The following VWA8 variants were observed in gnomAD, a reference collection of about 807,000 sequenced individuals.
VWA8 encodes the protein von Willebrand factor A domain-containing protein 8.
A neutral mutation model predicts 241.5 loss-of-function variants in VWA8; 221 were observed. That is an observed-to-expected ratio of 0.91 (90% confidence interval 0.82 to 1.02). The LOEUF is 1.02. Among genes scored for constraint, VWA8 ranks in the 50% least tolerant of loss-of-function variants. The pLI, the probability that VWA8 is intolerant of heterozygous loss-of-function variation, is 0.00. For missense variants in VWA8, 2,322 were observed against 2,328.7 expected (o/e 1.00, Z 0.06); for synonymous variants, 852 against 827.1 (o/e 1.03, Z -0.52).
intron 37 of VWA8, among the ~76,000 whole-genome samples, chr13:41,619,072 C>T (rs1160303950): frequency 6.6e-6 from 1 of 152,106 alleles, no homozygotes; most frequent in Non-Finnish European, 1.5e-5. Flanking sequence ...GGCAGTATGG[C>T]CATTTTCACA....
chr13:41,691,445 C>G lies in VWA8; in HGVS notation c.3741G>C (p.Gly1247=). Reference sequence around the variant, plus strand: ...GAACATCCAGCACAGTCAGGCTGTTCCTGGAAAAGAAGAAAACTGTATCTG... The same window carrying G: ...GAACATCCAGCACAGTCAGGCTGTTGCTGGAAAAGAAGAAAACTGTATCTG... ...KNWLVFYKEK[G]NSLTVLDVLE... Residue 1247 remains glycine, a splice_region_variant and synonymous_variant, in exon 32 of 45, where the codon GGG becomes GGC. Transcript: ENST00000379310. 1.2e-6 allele frequency: 2 copies of G among 1,611,122 alleles called. No individual in the cohort carries two copies. Among genetic ancestry groups the G allele is most frequent in the Non-Finnish European group, 1.7e-6 (2 of 1,178,334 alleles).
intron 12 of VWA8, among the ~76,000 whole-genome samples, chr13:41,837,625 C>T (rs1871799467): frequency 6.6e-6 from 1 of 152,128 alleles, no homozygotes; most frequent in South Asian, 2.1e-4. Context: ...GTTTTAATAT[C>T]TTTAACAGAC....
rs138607427 is a variant in VWA8 at position 41,694,139 on chromosome 13, T to A, written c.3565-1167A>T. On this transcript the variant is annotated intron_variant, in intron 29 of 44. Transcript: ENST00000379310. ...ATATATAAAGAATACAACAATGAAT[T>A]AATCATGACCCTTGCCTTCTGTCAT... is the stretch of plus-strand genomic sequence containing the variant. Among the ~76,000 whole-genome samples, 1,171 of 152,102 alleles carry A rather than the reference T, an allele frequency of 7.7e-3. 9 individuals are homozygous for A. Among genetic ancestry groups the A allele is most frequent in the South Asian group, 0.016 (78 of 4,828 alleles).
At chr13:41,937,959 G>GA (rs960209949) in intron 2 of VWA8, among the ~76,000 whole-genome samples, 6 of 152,080 alleles carry the variant, frequency 3.9e-5, no homozygotes, top group Non-Finnish European at 8.8e-5. Flanking sequence ...TCATGAGTTT[G>GA]AGATCAGCCT....
intron 37 of VWA8, among the ~76,000 whole-genome samples, chr13:41,642,074 C>T (rs1197712271): frequency 6.6e-6 from 1 of 152,128 alleles, no homozygotes; most frequent in African/African-American, 2.4e-5. Flanking sequence ...TATATGATCA[C>T]CCTATAATAA....
chr13:41,859,502 TTAATC>T (rs1179875244), intron 12 of VWA8, among the ~76,000 whole-genome samples: 1 of 152,188 alleles, frequency 6.6e-6, no homozygotes, highest in African/African-American at 2.4e-5. Context: ...GACTTGGTGT[TTAATC>T]TAACTAGTAA....
chr13:41,858,583 G>A (rs1872863003), intron 12 of VWA8, among the ~76,000 whole-genome samples: 1 of 151,622 alleles, frequency 6.6e-6, no homozygotes, highest in African/African-American at 2.4e-5. Context: ...TTCAGCCTGG[G>A]CAACAGAGTG....
intron 2 of VWA8, among the ~76,000 whole-genome samples, chr13:41,942,830 T>C (rs1208801439): frequency 6.6e-6 from 1 of 152,196 alleles, no homozygotes; most frequent in East Asian, 1.9e-4. Flanking sequence ...TCCTTAAGGA[T>C]GGTACTGGGG....
rs546093942 is a variant in VWA8 at position 41,743,449 on chromosome 13, C to A, written c.2427-11294G>T. On this transcript the variant is annotated intron_variant, in intron 21 of 44. Transcript: ENST00000379310. ...AAACTGTCACTTGACCAAATTCTTA[C>A]AACCCTCTAATTGCTGTAATGTGAA... is the stretch of plus-strand genomic sequence containing the variant. Among the ~76,000 whole-genome samples, 16 of 152,278 alleles carry A rather than the reference C, an allele frequency of 1.1e-4. No homozygotes were observed. In the South Asian group the frequency reaches 1.7e-3, roughly 16 times the overall value.
chr13:41,568,266 G>A lies in VWA8; in HGVS notation c.5649C>T (p.Ala1883=), dbSNP rs1465322199. Residue 1883 remains alanine (A), a synonymous_variant, in exon 45 of 45, where the codon GCC becomes GCT. Transcript: ENST00000379310. ...TCTGAGGGATATCCTTGGTATCCAT[G>A]GCAACGAAAGACCGACCAGCTGGTA... ...RTLPAGRSFV[A]MDTKDIPQIL... The A allele has an allele frequency of 1.9e-6, 3 of 1,614,154 alleles. No homozygotes were observed. The Admixed American group carries it at 5.0e-5, about 27-fold the overall frequency.
At chr13:41,830,481 T>C (rs570424168) in intron 14 of VWA8, 48 bp downstream of exon 14, 2 of 1,443,870 alleles carry the variant, frequency 1.4e-6, no homozygotes, top group Admixed American at 1.8e-5. Context: ...AAGTATTATT[T>C]TTAACTTAAC....
At chr13:41,940,319 T>C (rs886097459) in intron 2 of VWA8, among the ~76,000 whole-genome samples, 1 of 152,266 alleles carries the variant, frequency 6.6e-6, no homozygotes, top group Non-Finnish European at 1.5e-5. Context: ...ATAATCTTTT[T>C]AGAATTAGGT....
chr13:41,714,590 T>C (rs1254237620), intron 26 of VWA8, among the ~76,000 whole-genome samples: 1 of 152,016 alleles, frequency 6.6e-6, no homozygotes, highest in Non-Finnish European at 1.5e-5. Context: ...ATACTTCTTA[T>C]ATAAGGTAGT....
intron 9 of VWA8, 120 bp from the exon 10 acceptor site, chr13:41,868,597 A>T (rs1471937757): frequency 1.6e-6 from 2 of 1,264,410 alleles, no homozygotes; most frequent in Non-Finnish European, 2.1e-6. Flanking sequence ...ATAAAAGTAG[A>T]GGTTAGGCCA....
In VWA8 at chr13:41,814,177, T is replaced by C. The variant is rs1487187085; in HGVS notation, c.1947+2521A>G. On this transcript the variant is annotated intron_variant, in intron 16 of 44. Transcript: ENST00000379310. ...ATTCACCAAAGATTTAAGTGTCTAT[T>C]ATGTGCCAGGCCGCAGGCTGGGAAA... is the stretch of plus-strand genomic sequence containing the variant. Among the ~76,000 whole-genome samples the C allele has an allele frequency of 2.0e-5, 3 of 152,324 alleles. No homozygotes were observed. The East Asian group carries it at 5.8e-4, about 29-fold the overall frequency.
chr13:41,859,034 G>A (rs770384196), intron 12 of VWA8, among the ~76,000 whole-genome samples: 14 of 150,308 alleles, frequency 9.3e-5, no homozygotes, highest in African/African-American at 2.9e-4. Flanking sequence ...CTGTGCCTGC[G>A]CCACTGCACT....
chr13:41,862,103 A>G (rs1873033447), intron 12 of VWA8, among the ~76,000 whole-genome samples: 1 of 152,208 alleles, frequency 6.6e-6, no homozygotes, highest in Non-Finnish European at 1.5e-5. Context: ...ACAGATACCT[A>G]GACCAATGGA....
chr13:41,672,798 A>G (rs1376042903), intron 36 of VWA8, among the ~76,000 whole-genome samples: 1 of 152,206 alleles, frequency 6.6e-6, no homozygotes, highest in Non-Finnish European at 1.5e-5. Flanking sequence ...TACTCTATCA[A>G]TAAATATTTG....
At chr13:41,947,890 C>G (rs1216585610) in intron 2 of VWA8, among the ~76,000 whole-genome samples, 1 of 140,646 alleles carries the variant, frequency 7.1e-6, no homozygotes, top group East Asian at 2.1e-4. Context: ...CGACATTGCA[C>G]CACTGCACCC....
Sources: gnomAD v4.1 joint callset for allele counts (sites outside exome capture counted in the v4.1 genomes callset) on GRCh38, gnomAD v4.1.1 for gene constraint, MANE v1.5 for transcripts, NCBI Gene and HGNC (gene_info 2026-07-23, HGNC 2026-07-21) for gene names.